The following CYB5R1 variants were observed in gnomAD, a reference collection of about 807,000 sequenced individuals.
The protein encoded by CYB5R1 is NADH-cytochrome b5 reductase 1.
A neutral mutation model predicts 37.4 loss-of-function variants in CYB5R1; 32 were observed. That is an observed-to-expected ratio of 0.86 (90% CI 0.65 to 1.15). The LOEUF (loss-of-function observed/expected upper bound fraction) is 1.15. CYB5R1 is among the 50% of genes most tolerant of loss of function. The pLI, the probability that CYB5R1 is intolerant of heterozygous loss-of-function variation, is 0.00. For missense variants in CYB5R1, 345 were observed against 382.5 expected, an observed-to-expected ratio of 0.90 and a Z score of 0.82; for synonymous variants, 159 against 155.2, an observed-to-expected ratio of 1.02 and a Z score of -0.18.
At chr1:202,966,362 G>C (rs1468412197) in intron 3 of CYB5R1, 166 bp downstream of exon 3, 1 of 733,096 alleles carries the variant, frequency 1.4e-6, no homozygotes, top group African/African-American at 1.8e-5. Context: ...CCACACTCTA[G>C]AGGGGCCCAG....
At chr1:202,965,615 C>T (rs1028035378) in intron 4 of CYB5R1, 115 bp from the exon 5 acceptor site, 54 of 1,161,652 alleles carry the variant, frequency 4.6e-5, no homozygotes, top group Non-Finnish European at 4.9e-5. Flanking sequence ...ATCTTTTCCC[C>T]GTCTACATAC....
intron 6 of CYB5R1, chr1:202,963,968 C>A: frequency 2.6e-6 from 1 of 384,834 alleles, no homozygotes; most frequent in South Asian, 6.6e-5. Flanking sequence ...ATCTAAGACT[C>A]TTCTGAAAGT....
In CYB5R1 at chr1:202,962,478, C is replaced by G. The variant is rs749991405; in HGVS notation, c.*49G>C. On this transcript the variant is annotated 3_prime_UTR_variant, in exon 9 of 9. Transcript: ENST00000367249. ...ATCTAAGGCTTATAGTGCTTGAGTA[C>G]TGATGGGGAACAACTGCAGCGAACA... 8 of 1,551,578 alleles carry G rather than the reference C, an allele frequency of 5.2e-6. No individual in the cohort carries two copies. The highest frequency in any genetic ancestry group is 7.0e-6 in the Non-Finnish European group (8 of 1,149,558).
chr1:202,964,419 T>C, intron 6 of CYB5R1, 193 bp downstream of exon 6: 2 of 587,382 alleles, frequency 3.4e-6, no homozygotes, highest in South Asian at 4.2e-5. Flanking sequence ...TCTAATTCCA[T>C]CAGTTAAAAT....
chr1:202,964,586 A>G (rs1655049749), intron 6 of CYB5R1, 26 bp downstream of exon 6: 3 of 1,556,304 alleles, frequency 1.9e-6, no homozygotes, highest in Non-Finnish European at 2.7e-6. Context: ...CAATGGTGGG[A>G]GAGAAAGGCC....
At position 202,962,351 on chromosome 1, in the gene CYB5R1, C is replaced by G. The variant is rs1437223628; in HGVS notation, c.*176G>C. On this transcript the variant is annotated 3_prime_UTR_variant, in exon 9 of 9. Coordinates refer to ENST00000367249, the MANE Select transcript of CYB5R1 (RefSeq NM_016243.3). ...GGAGGCCATCCAAGGAGTGACTGAG[C>G]CTTGGCCCTCTTCCATGGCTACAGG... 1 of 791,660 alleles carries G rather than the reference C, an allele frequency of 1.3e-6. No homozygotes were observed. Among genetic ancestry groups the G allele is most frequent in the Admixed American group, 2.9e-5 (1 of 34,444 alleles). 49.0% of individuals were successfully genotyped at this position (791,660 alleles called of 1,614,324 possible).
At chr1:202,965,092 G>C (rs779175765) in intron 5 of CYB5R1, 14 of 406,570 alleles carry the variant, frequency 3.4e-5, no homozygotes, top group Admixed American at 2.2e-4. Context: ...AGCTCACCCA[G>C]GGGGGCAAAT....
chr1:202,965,477 G>A lies in CYB5R1; in HGVS notation c.369C>T (p.Pro123=), dbSNP rs1466514040. 1 of 1,600,338 alleles carries A rather than the reference G, an allele frequency of 6.2e-7. No individual in the cohort carries two copies. Among genetic ancestry groups the A allele is most frequent in the Admixed American group, 1.7e-5 (1 of 58,112 alleles). Residue 123 remains proline, a synonymous_variant, in exon 5 of 9, where the codon CCC becomes CCT. Coordinates refer to ENST00000367249, the MANE Select transcript of CYB5R1 (RefSeq NM_016243.3). Reference sequence around the variant, plus strand: ...ACATCTTCCCTCCCTCAGGAAATTTGGGGTGCACACCCTTCAGGTAGACCT... The same window carrying A: ...ACATCTTCCCTCCCTCAGGAAATTTAGGGTGCACACCCTTCAGGTAGACCT... ...VIKVYLKGVH[P]KFPEGGKMSQ...
Position 202,963,059 on chromosome 1 carries a change from AGGATACCTTTTGGG to A in CYB5R1, c.738_745+6del. 2 of 1,611,626 alleles carry A rather than the reference AGGATACCTTTTGGG, an allele frequency of 1.2e-6. No individual in the cohort carries two copies. Among genetic ancestry groups the A allele is most frequent in the South Asian group, 2.2e-5 (2 of 91,028 alleles). On this transcript the variant is annotated splice_donor_variant and splice_donor_5th_base_variant and coding_sequence_variant and intron_variant, in exon 8 of 9. Transcript: ENST00000367249. LOFTEE classifies it high-confidence loss of function. Reference sequence around the variant, plus strand: ...GATAGTGGGATGTCCAGAAATGGGAAGGATACCTTTTGGGGGATGATCCAGAGTGAACCAGAGCT... The same window carrying A: ...GATAGTGGGATGTCCAGAAATGGGAAGGATGATCCAGAGTGAACCAGAGCT...
rs1171146638 is a variant in CYB5R1, at chr1:202,966,818, C to A, written c.96G>T (p.Arg32Ser). Residue 32 changes from arginine to serine, a missense_variant, in exon 2 of 9, where the codon AGG becomes AGT. Transcript: ENST00000367249. ...GLAVGSYLVR[R>S]SRRPQVTLLD... ...GGAGAGTGACCTGAGGCCGGCGGGACCTCCGAACCAAGTAGGAGCCCACAG... is the reference window on the plus strand; with the variant it reads ...GGAGAGTGACCTGAGGCCGGCGGGAACTCCGAACCAAGTAGGAGCCCACAG... 5.0e-6 allele frequency: 8 copies of A among 1,614,140 alleles called. No homozygotes were observed. Among genetic ancestry groups the A allele is most frequent in the Non-Finnish European group, 6.8e-6 (8 of 1,180,010 alleles).
Position 202,962,608 on chromosome 1 carries a change from C to G in CYB5R1, c.837G>C (p.Gly279=), listed in dbSNP as rs778538611. 6.2e-7 allele frequency: 1 copy of G among 1,613,946 alleles called. No individual in the cohort carries two copies. Among genetic ancestry groups the G allele is most frequent in the Admixed American group, 1.7e-5 (1 of 59,938 alleles). Residue 279 remains glycine, a synonymous_variant, in exon 9 of 9, where the codon GGG becomes GGC. Coordinates refer to ENST00000367249, the MANE Select transcript of CYB5R1 (RefSeq NM_016243.3). ...AGGCCAGCTGCACCATTGGGGGTGGCCCACAAAGCAGTACCAGCACATCAT... is the reference window on the plus strand; with the variant it reads ...AGGCCAGCTGCACCATTGGGGGTGGGCCACAAAGCAGTACCAGCACATCAT... ...PGDDVLVLLC[G]PPPMVQLACH...
chr1:202,967,062 C>A, intron 1 of CYB5R1, 129 bp downstream of exon 1: 1 of 1,435,286 alleles, frequency 7.0e-7, no homozygotes, highest in Non-Finnish European at 9.5e-7. Context: ...GATCGGGACC[C>A]CAGCATCCAC....
intron 1 of CYB5R1, 31 bp downstream of exon 1, chr1:202,967,160 C>G (rs200734862): frequency 6.2e-7 from 1 of 1,608,242 alleles, no homozygotes; most frequent in East Asian, 2.2e-5. Flanking sequence ...GGAGGGGTCC[C>G]CCAGTGGAGG....
At position 202,962,062 on chromosome 1, in the gene CYB5R1, A is replaced by T. The variant is rs556972438; in HGVS notation, c.*465T>A. ...AGAAATCATTTCCTCCTTTCTTGCC[A>T]TCTCCATAAGACCACCTCTGGAAGT... On this transcript the variant is annotated 3_prime_UTR_variant, in exon 9 of 9. Transcript: ENST00000367249. The T allele has an allele frequency of 1.3e-5, 2 of 153,086 alleles. No homozygotes were observed. The highest frequency in any genetic ancestry group is 2.9e-5 in the Non-Finnish European group (2 of 68,694). 9.5% of individuals were successfully genotyped at this position (153,086 alleles called of 1,614,324 possible).
In CYB5R1 at chr1:202,963,061, G is replaced by C. The variant is rs781727349; in HGVS notation, c.745+5C>G. 4 of 1,612,384 alleles carry C rather than the reference G, an allele frequency of 2.5e-6. No homozygotes were observed. The South Asian group carries it at 3.3e-5, about 13-fold the overall frequency. On this transcript the variant is annotated splice_donor_5th_base_variant and intron_variant, in intron 8 of 8. Transcript: ENST00000367249. Reference sequence around the variant, plus strand: ...TAGTGGGATGTCCAGAAATGGGAAGGATACCTTTTGGGGGATGATCCAGAG... The same window carrying C: ...TAGTGGGATGTCCAGAAATGGGAAGCATACCTTTTGGGGGATGATCCAGAG...
intron 4 of CYB5R1, 46 bp downstream of exon 4, chr1:202,965,841 A>G (rs368985371): frequency 2.4e-5 from 32 of 1,352,940 alleles, no homozygotes; most frequent in Non-Finnish European, 3.2e-5. Flanking sequence ...TACAAATCCC[A>G]GAAAGAATGG....
rs528172097 is a variant in CYB5R1, at chr1:202,962,698, A to G, written c.747T>C (p.Asp249=). The G allele has an allele frequency of 5.0e-6, 8 of 1,614,070 alleles. No individual in the cohort carries two copies. The Admixed American group carries it at 5.0e-5, about 10-fold the overall frequency. Residue 249 remains aspartate, a splice_region_variant and synonymous_variant, in exon 9 of 9, where the codon GAT becomes GAC. Transcript: ENST00000367249. Reference sequence around the variant, plus strand: ...TCACAAAGCCCTTGCTGTAGGCCCAATCTGAAGTATGGGGAGAAGAAAGTA... The same window carrying G: ...TCACAAAGCCCTTGCTGTAGGCCCAGTCTGAAGTATGGGGAGAAGAAAGTA... The part of the protein sequence containing the change: ...LWFTLDHPPK[D]WAYSKGFVTA...
chr1:202,967,044 A>T (rs968750433), intron 1 of CYB5R1, 146 bp from the exon 2 acceptor site: 2 of 1,423,162 alleles, frequency 1.4e-6, no homozygotes, highest in African/African-American at 2.9e-5. Flanking sequence ...CCGAGCCCGG[A>T]TGTGCGGGAT....
Position 202,967,240 on chromosome 1 carries a change from C to G in CYB5R1, c.-35G>C, listed in dbSNP as rs372193496. 2 of 1,607,458 alleles carry G rather than the reference C, an allele frequency of 1.2e-6. No homozygotes were observed. The highest frequency in any genetic ancestry group is 8.5e-7 in the Non-Finnish European group (1 of 1,176,994). On this transcript the variant is annotated 5_prime_UTR_variant, in exon 1 of 9. Transcript: ENST00000367249. ...CCTTTTCCTCCACCACCTGACAAGC[C>G]GACAGATCCCACAATGCGCCGCGGG...
Sources: gnomAD v4.1 joint callset for allele counts on GRCh38, gnomAD v4.1.1 for gene constraint, MANE v1.5 for transcripts, NCBI Gene and HGNC (gene_info 2026-07-23, HGNC 2026-07-21) for gene names.